Variants in ANO1 observed in about 807,000 individuals in gnomAD.
The protein encoded by ANO1 is anoctamin-1.
In ANO1, 59 loss-of-function variants were observed where a neutral mutation model predicts 124.0. The observed-to-expected ratio is 0.48, with a 90% CI of 0.39 to 0.59. The LOEUF (loss-of-function observed/expected upper bound fraction) is 0.59. ANO1 is among the 20% of genes least tolerant of loss of function. ANO1 has a pLI of 0.00. For synonymous variants in ANO1, 529 were observed against 532.0 expected (o/e 0.99, Z 0.08); for missense variants, 1,059 against 1,328.0 (o/e 0.80, Z 3.15).
chr11:70,133,962 A>G (rs2135535549), intron 11 of ANO1, among the ~76,000 whole-genome samples: 1 of 152,286 alleles, frequency 6.6e-6, no homozygotes, highest in East Asian at 1.9e-4. Context: ...GAGACCCGGG[A>G]CAGAGGCCGC....
intron 3 of ANO1, 55 bp from the exon 4 acceptor site, chr11:70,103,944 C>A: frequency 1.3e-6 from 2 of 1,563,820 alleles, no homozygotes; most frequent in Admixed American, 1.8e-5. Context: ...ACAGATTCCA[C>A]GGATCATGGT....
intron 25 of ANO1, among the ~76,000 whole-genome samples, chr11:70,186,400 A>AGGAAGGAAGAC (rs1405874430): frequency 6.0e-5 from 9 of 150,782 alleles, no homozygotes; most frequent in East Asian, 4.0e-4. Flanking sequence ...GGAAGGAAGA[A>AGGAAGGAAGAC]AGACATGGAG....
intron 1 of ANO1, among the ~76,000 whole-genome samples, chr11:70,080,785 G>A (rs910933883): frequency 5.3e-5 from 8 of 152,178 alleles, no homozygotes; most frequent in African/African-American, 4.8e-5. Context: ...TCAGAGGCGC[G>A]CGCTGTGGGA....
At chr11:70,099,233 C>T (rs1227351722) in intron 2 of ANO1, among the ~76,000 whole-genome samples, 3 of 152,328 alleles carry the variant, frequency 2.0e-5, no homozygotes, top group South Asian at 2.1e-4. Context: ...CAGTGTCTTC[C>T]TGCTGGGGAC....
chr11:69,975,785 A>G, the ANO1 span, among the ~76,000 whole-genome samples: 1 of 152,366 alleles, frequency 6.6e-6, no homozygotes, highest in South Asian at 2.1e-4. Context: ...GGCAGGTAGT[A>G]TAACCCACAT....
chr11:70,151,884 G>C (rs2047615025), intron 12 of ANO1, among the ~76,000 whole-genome samples: 1 of 152,072 alleles, frequency 6.6e-6, no homozygotes, highest in Non-Finnish European at 1.5e-5. Context: ...ACTGAAATTT[G>C]GAAATTTGGG....
At chr11:70,037,969 G>T (rs1012252718) in intron 1 of ANO1, among the ~76,000 whole-genome samples, 1 of 152,136 alleles carries the variant, frequency 6.6e-6, no homozygotes, top group Non-Finnish European at 1.5e-5. Context: ...GCAAAGAAAA[G>T]GTGAGTGAGC....
chr11:70,177,313 T>C (rs509243), intron 22 of ANO1, among the ~76,000 whole-genome samples: 9,651 of 152,328 alleles, frequency 0.063, 633 homozygotes, highest in African/African-American at 0.17. Flanking sequence ...CAAGTGAGAC[T>C]AAGTCCTGGG....
At chr11:70,067,750 C>T (rs1003409096) in intron 1 of ANO1, among the ~76,000 whole-genome samples, 3 of 152,214 alleles carry the variant, frequency 2.0e-5, no homozygotes, top group Admixed American at 2.0e-4. Context: ...CCCTCCAGAC[C>T]TCCCGACCCC....
intron 24 of ANO1, among the ~76,000 whole-genome samples, chr11:70,185,022 T>TG (rs2135856931): frequency 6.6e-6 from 1 of 152,322 alleles, no homozygotes; most frequent in South Asian, 2.1e-4. Flanking sequence ...CCACCACACC[T>TG]GGCTAATAAA....
intron 2 of ANO1, among the ~76,000 whole-genome samples, chr11:70,098,450 G>C (rs1042861116): frequency 2.0e-5 from 3 of 152,216 alleles, no homozygotes; most frequent in African/African-American, 7.2e-5. Flanking sequence ...TGCCTGACAC[G>C]GGAGGTGCTG....
intron 6 of ANO1, 141 bp from the exon 7 acceptor site, chr11:70,111,566 T>A (rs1043398040): frequency 5.4e-5 from 40 of 739,790 alleles, no homozygotes; most frequent in Non-Finnish European, 9.2e-5. Flanking sequence ...ACCCCAGAGG[T>A]GGCCGGGCTC....
At chr11:70,112,236 GAGA>G (rs1414460001) in intron 7 of ANO1, among the ~76,000 whole-genome samples, 1 of 152,244 alleles carries the variant, frequency 6.6e-6, no homozygotes, top group African/African-American at 2.4e-5. Flanking sequence ...TGGAGAGAGA[GAGA>G]AGATTGTCTT....
intron 1 of ANO1, among the ~76,000 whole-genome samples, chr11:70,009,293 A>G (rs1446443838): frequency 2.0e-5 from 3 of 151,858 alleles, no homozygotes. Context: ...GAGGTCAAGC[A>G]TCTCTTTCTC....
At chr11:70,041,624 A>C (rs1555005065) in intron 1 of ANO1, among the ~76,000 whole-genome samples, 3 of 152,316 alleles carry the variant, frequency 2.0e-5, no homozygotes, top group Admixed American at 6.5e-5. Context: ...GTATTCGTGT[A>C]AGCACCACAG....
chr11:69,995,919 C>A (rs1470295079), intron 1 of ANO1, among the ~76,000 whole-genome samples: 2 of 152,154 alleles, frequency 1.3e-5, no homozygotes, highest in Non-Finnish European at 2.9e-5. Flanking sequence ...TTGAGACCAG[C>A]TGGCTAATAG....
intron 11 of ANO1, among the ~76,000 whole-genome samples, chr11:70,143,330 A>C (rs1223174107): frequency 3.9e-5 from 6 of 152,168 alleles, no homozygotes; most frequent in African/African-American, 1.4e-4. Flanking sequence ...CTCAGGGGAG[A>C]GAGAGCTCAG....
At chr11:69,981,272 C>G (rs1855957504), upstream of ANO1, among the ~76,000 whole-genome samples, 4 of 152,344 alleles carry the variant, frequency 2.6e-5, no homozygotes. Context: ...CACTCTCCCA[C>G]TTACTGCTGT....
At chr11:69,979,629 C>A in the ANO1 span, among the ~76,000 whole-genome samples, 1 of 152,122 alleles carries the variant, frequency 6.6e-6, no homozygotes, top group Non-Finnish European at 1.5e-5. Context: ...ATCAAGTATG[C>A]GGGACTCAGG....
Sources: allele counts gnomAD v4.1 joint callset (sites outside exome capture counted in the v4.1 genomes callset), GRCh38; gene constraint gnomAD v4.1.1; transcripts MANE v1.5; gene names NCBI Gene and HGNC (gene_info 2026-07-23, HGNC 2026-07-21).